Variants in GRM8 observed in about 807,000 individuals in gnomAD.
GRM8 encodes the protein metabotropic glutamate receptor 8.
In GRM8, 47 loss-of-function variants were observed where a neutral mutation model predicts 87.2. The observed-to-expected ratio is 0.54, with a 90% CI of 0.43 to 0.69. The LOEUF (loss-of-function observed/expected upper bound fraction) is 0.69. Ranked by LOEUF, GRM8 falls within the 30% of genes least tolerant of loss-of-function variation. The pLI, the probability that GRM8 is intolerant of heterozygous loss-of-function variation, is 0.00. For missense variants in GRM8, 1,019 were observed against 1,139.2 expected (o/e 0.89, Z 1.52); for synonymous variants, 396 against 404.5 (o/e 0.98, Z 0.25).
chr7:126,712,943 AACAG>A (rs962157831), intron 7 of GRM8, among the ~76,000 whole-genome samples: 1 of 152,142 alleles, frequency 6.6e-6, no homozygotes, highest in African/African-American at 2.4e-5. Flanking sequence ...AAGTCAGGAA[AACAG>A]ACGCTGGTGA....
chr7:126,608,812 A>G (rs953943744), intron 8 of GRM8, among the ~76,000 whole-genome samples: 10 of 142,306 alleles, frequency 7.0e-5, no homozygotes, highest in African/African-American at 1.3e-4. Context: ...CGCCCAGGCT[A>G]GAGTGCAGTG....
intron 7 of GRM8, among the ~76,000 whole-genome samples, chr7:126,678,503 A>T (rs1807225956): frequency 1.3e-5 from 2 of 152,210 alleles, no homozygotes; most frequent in African/African-American, 4.8e-5. Flanking sequence ...GGGCAAGGAG[A>T]GGAAAAATTA....
chr7:127,172,048 T>C (rs1445243171), intron 2 of GRM8, among the ~76,000 whole-genome samples: 8 of 152,028 alleles, frequency 5.3e-5, no homozygotes, highest in Non-Finnish European at 1.2e-4. Flanking sequence ...AACAAGTAAA[T>C]TCATCATTCC....
At chr7:127,197,068 T>C (rs936319865) in intron 2 of GRM8, among the ~76,000 whole-genome samples, 3 of 152,154 alleles carry the variant, frequency 2.0e-5, no homozygotes, top group Admixed American at 6.5e-5. Flanking sequence ...AACTATTAGC[T>C]ATATATTTTT....
At chr7:127,038,239 A>G (rs1818029991) in intron 3 of GRM8, among the ~76,000 whole-genome samples, 1 of 152,160 alleles carries the variant, frequency 6.6e-6, no homozygotes, top group South Asian at 2.1e-4. Flanking sequence ...GGAAATTGAT[A>G]ATCTAGCTGT....
intron 6 of GRM8, among the ~76,000 whole-genome samples, chr7:126,845,079 A>C (rs1325468171): frequency 2.0e-5 from 3 of 152,216 alleles, no homozygotes; most frequent in African/African-American, 7.2e-5. Context: ...GGCCATTAGC[A>C]AGAAGTAGTG....
intron 6 of GRM8, among the ~76,000 whole-genome samples, chr7:126,803,142 A>T (rs924067324): frequency 1.3e-5 from 2 of 152,196 alleles, no homozygotes; most frequent in Admixed American, 1.3e-4. Flanking sequence ...GCCCCAAATT[A>T]TTCTGGCTTT....
chr7:127,184,634 T>C (rs145100942), intron 2 of GRM8, among the ~76,000 whole-genome samples: 1 of 152,012 alleles, frequency 6.6e-6, no homozygotes, highest in Non-Finnish European at 1.5e-5. Context: ...AAGTCCTAAT[T>C]AAATACATAA....
At chr7:126,942,762 G>A (rs1340839875) in intron 3 of GRM8, among the ~76,000 whole-genome samples, 1 of 152,146 alleles carries the variant, frequency 6.6e-6, no homozygotes, top group Non-Finnish European at 1.5e-5. Flanking sequence ...ACTCACCGGT[G>A]CTAACCTTTC....
intron 8 of GRM8, among the ~76,000 whole-genome samples, chr7:126,573,191 T>C (rs1034731758): frequency 1.3e-5 from 2 of 152,196 alleles, no homozygotes; most frequent in African/African-American, 4.8e-5. Context: ...GTCATCATAA[T>C]GTAAATGTTT....
At chr7:126,781,513 G>A (rs1279435499) in intron 6 of GRM8, among the ~76,000 whole-genome samples, 1 of 152,110 alleles carries the variant, frequency 6.6e-6, no homozygotes, top group East Asian at 1.9e-4. Flanking sequence ...TAAACAAAAA[G>A]CTGAATAGTC....
intron 8 of GRM8, among the ~76,000 whole-genome samples, chr7:126,577,359 A>G (rs948536399): frequency 2.0e-5 from 3 of 152,204 alleles, no homozygotes; most frequent in African/African-American, 7.2e-5. Context: ...CACTAACTTT[A>G]AAAATAATCC....
chr7:126,759,367 C>T (rs968257843), intron 7 of GRM8, among the ~76,000 whole-genome samples: 18 of 150,938 alleles, frequency 1.2e-4, no homozygotes, highest in South Asian at 4.2e-4. Context: ...ATAACATGGG[C>T]GCAATTCCAT....
chr7:126,738,089 T>G (rs10487458), intron 7 of GRM8, among the ~76,000 whole-genome samples: 1 of 151,958 alleles, frequency 6.6e-6, no homozygotes. Context: ...TGTGCTATCA[T>G]AAAGGTGGGC....
intron 3 of GRM8, among the ~76,000 whole-genome samples, chr7:126,998,936 C>T (rs1304607236): frequency 6.6e-6 from 1 of 151,598 alleles, no homozygotes; most frequent in Non-Finnish European, 1.5e-5. Context: ...CTACAAAAGA[C>T]CCCAACTAGC....
rs546008849 is a variant in GRM8 at position 127,245,441 on chromosome 7, T to C, written c.-311-1926A>G. On this transcript the variant is annotated intron_variant, in intron 1 of 10. Transcript: ENST00000339582. ...GCCATCCCCCAAGTACTTAAAACAC[T>C]TAAGAGAATAAATGGCTTTCAATTA... Among the ~76,000 whole-genome samples the C allele has an allele frequency of 7.9e-5, 12 of 152,334 alleles. No homozygotes were observed. The Middle Eastern group carries it at 0.014, about 173-fold the overall frequency.
chr7:126,574,297 T>C (rs563664511), intron 8 of GRM8, among the ~76,000 whole-genome samples: 1 of 152,286 alleles, frequency 6.6e-6, no homozygotes, highest in African/African-American at 2.4e-5. Flanking sequence ...GAACTCCTCA[T>C]CAATGTGGGA....
intron 8 of GRM8, among the ~76,000 whole-genome samples, chr7:126,599,953 T>G (rs1482332156): frequency 6.6e-6 from 1 of 152,100 alleles, no homozygotes; most frequent in Non-Finnish European, 1.5e-5. Context: ...AATGAATATA[T>G]GAATGGATGA....
At position 126,770,003 on chromosome 7, in the gene GRM8, C is replaced by T. The variant is rs767830991; in HGVS notation, c.1219G>A (p.Asp407Asn). 16 of 1,612,356 alleles carry T rather than the reference C, an allele frequency of 9.9e-6. No homozygotes were observed. Among genetic ancestry groups the T allele is most frequent in the African/African-American group, 1.3e-5 (1 of 74,886 alleles). ...GCGTAAGCCATGGAATATACAGCAT[C>T]AATTACAAATTGGACCTTTCCTTCC... ...EQEGKVQFVI[D>N]AVYSMAYALH... The change falls in exon 7 of 11, where the codon GAT (aspartate) becomes AAT (asparagine). Residue 407 changes from aspartate to asparagine, a missense_variant. By Grantham distance (23) the Asp-to-Asn change is conservative. Transcript: ENST00000339582.
Sources: allele counts gnomAD v4.1 joint callset (sites outside exome capture counted in the v4.1 genomes callset), GRCh38; gene constraint gnomAD v4.1.1; transcripts MANE v1.5; gene names NCBI Gene and HGNC (gene_info 2026-07-23, HGNC 2026-07-21).